The following SRCAP variants were observed in gnomAD, a reference collection of about 807,000 sequenced individuals.
SRCAP encodes Snf2 related CREBBP activator protein, also known as chromatin remodeling protein SRCAP.
Under a neutral mutation model 263.1 loss-of-function variants are expected in SRCAP, and 46 were observed. The observed-to-expected ratio is 0.17, with a 90% CI of 0.14 to 0.22. The LOEUF is 0.22. SRCAP is among the 10% of genes least tolerant of loss of function. The pLI is 1.00. For synonymous variants in SRCAP, 1,813 were observed against 1,662.1 expected, an observed-to-expected ratio of 1.09 and a Z score of -2.21; for missense variants, 3,695 against 4,181.9, an observed-to-expected ratio of 0.88 and a Z score of 3.21.
rs535997158 is a variant in SRCAP at position 30,708,913 on chromosome 16, G to C, written c.634-600G>C. Among the ~76,000 whole-genome samples the C allele has an allele frequency of 7.9e-5, 12 of 152,234 alleles. 1 individual carries two copies. In the South Asian group the frequency reaches 2.5e-3, roughly 32 times the overall value. The stretch of plus-strand genomic sequence containing the variant: ...GGCTTACTGCAACCTCTGCCTCCCA[G>C]GTTCAAGCGATTCTCCTGCCTCTGC... On this transcript the variant is annotated intron_variant, in intron 6 of 33. Transcript: ENST00000262518.
At chr16:30,737,024 C>T in intron 33 of SRCAP, 25 bp from the exon 34 acceptor site, 3 of 1,550,800 alleles carry the variant, frequency 1.9e-6, no homozygotes, top group Non-Finnish European at 2.6e-6. Flanking sequence ...CTCCTCCTGA[C>T]CACTTTTGGA....
chr16:30,739,169 A>T lies in SRCAP; in HGVS notation c.9129A>T (p.Gln3043His), dbSNP rs750723969. ...LESCGLGRRR[Q>H]PQGQGESEGS... Reference sequence around the variant, plus strand: ...GCTGTGGATTGGGGAGGCGACGGCAACCCCAGGGCCAAGGGGAGAGTGAGG... The same window carrying T: ...GCTGTGGATTGGGGAGGCGACGGCATCCCCAGGGCCAAGGGGAGAGTGAGG... The change falls in exon 34 of 34, where the codon CAA becomes CAT. Residue 3043 changes from glutamine to histidine, a missense_variant. By Grantham distance (24) the Gln-to-His change is conservative. Around this residue, in one of 12 missense-constraint regions of SRCAP, gnomAD observed 1,207 missense variants for 1,142.9 expected, o/e 1.06. Coordinates refer to ENST00000262518, the MANE Select transcript of SRCAP (RefSeq NM_006662.3). The T allele has an allele frequency of 4.6e-5, 75 of 1,613,926 alleles. No individual in the cohort carries two copies. Among genetic ancestry groups the T allele is most frequent in the Non-Finnish European group, 6.4e-5 (75 of 1,179,988 alleles).
intron 23 of SRCAP, 35 bp from the exon 24 acceptor site, chr16:30,722,928 T>G (rs1217622833): frequency 6.3e-7 from 1 of 1,579,088 alleles, no homozygotes; most frequent in South Asian, 1.1e-5. Flanking sequence ...TTTGTTTCTT[T>G]TCTACCTTCC....
At chr16:30,707,107 G>T (rs1179681482) in intron 4 of SRCAP, 76 bp from the exon 5 acceptor site, 9 of 1,487,326 alleles carry the variant, frequency 6.1e-6, no homozygotes, top group Non-Finnish European at 8.3e-6. Flanking sequence ...CCCACTTAGT[G>T]CTCAGGAATT....
At position 30,738,854 on chromosome 16, in the gene SRCAP, G is replaced by T; in HGVS notation, c.8814G>T (p.Arg2938Ser). ...NPLLSPVEKR[R>S]RGRPPKARDL... ...TCCTGTCACCTGTGGAGAAAAGAAG[G>T]CGAGGACGACCCCCTAAAGCACGAG... The change falls in exon 34 of 34, where the codon AGG becomes AGT. Residue 2938 changes from arginine (R) to serine (S), a missense_variant. Arg to Ser is a moderately radical substitution (Grantham distance 110, BLOSUM62 -1). Around this residue, in one of 12 missense-constraint regions of SRCAP, gnomAD observed 1,207 missense variants for 1,142.9 expected, o/e 1.06. Coordinates refer to ENST00000262518, the MANE Select transcript of SRCAP (RefSeq NM_006662.3). The T allele has an allele frequency of 6.2e-7, 1 of 1,614,146 alleles. No homozygotes were observed. The highest frequency in any genetic ancestry group is 8.5e-7 in the Non-Finnish European group (1 of 1,180,016).
intron 4 of SRCAP, among the ~76,000 whole-genome samples, chr16:30,704,966 C>G (rs1301856596): frequency 2.0e-5 from 3 of 152,186 alleles, no homozygotes; most frequent in Admixed American, 1.3e-4. Context: ...AGTGTGGTCT[C>G]TGGGCCAGCA....
At position 30,723,324 on chromosome 16, in the gene SRCAP, A is replaced by G. The variant is rs190197581; in HGVS notation, c.4159+95A>G. Reference sequence around the variant, plus strand: ...TCTTAGTTTTAGTACAGGTTTTTTCATATCAGCGTACTGCCTTGATTTGTA... The same window carrying G: ...TCTTAGTTTTAGTACAGGTTTTTTCGTATCAGCGTACTGCCTTGATTTGTA... On this transcript the variant is annotated intron_variant, in intron 24 of 33. Transcript: ENST00000262518. 149 of 1,491,486 alleles carry G rather than the reference A, an allele frequency of 1.0e-4. No homozygotes were observed. The African/African-American group carries it at 1.8e-3, about 18-fold the overall frequency. 92.4% of individuals were successfully genotyped at this position (1,491,486 alleles called of 1,614,324 possible). A position where few individuals can be genotyped will look rare whatever the true frequency, so the allele number is the denominator to read the frequency against.
rs2053018751 is a variant in SRCAP at position 30,722,304 on chromosome 16, C to T, written c.3706+18C>T. ...GCTGCAAAGTAGGTAAAACCCACCCCCTGTCCTGCCTTTTTCCTCCTCTTC... is the reference window on the plus strand; with the variant it reads ...GCTGCAAAGTAGGTAAAACCCACCCTCTGTCCTGCCTTTTTCCTCCTCTTC... On this transcript the variant is annotated intron_variant, in intron 22 of 33. Coordinates refer to ENST00000262518, the MANE Select transcript of SRCAP (RefSeq NM_006662.3). 1.2e-6 allele frequency: 2 copies of T among 1,605,976 alleles called. No homozygotes were observed. The highest frequency in any genetic ancestry group is 1.7e-6 in the Non-Finnish European group (2 of 1,175,656).
intron 31 of SRCAP, 114 bp downstream of exon 31, chr16:30,734,729 A>T: frequency 6.8e-7 from 1 of 1,478,648 alleles, no homozygotes; most frequent in Non-Finnish European, 9.2e-7. Flanking sequence ...TGCTTCCCAG[A>T]TTACAGTCAG....
chr16:30,739,387 A>G lies in SRCAP; in HGVS notation c.9347A>G (p.Lys3116Arg). ...LTPPVVSLTP[K>R]LRSTRLRPGS... is the part of the protein sequence containing the mutation. ...CCACCTGTGGTCTCACTAACCCCAA[A>G]ACTGCGCTCGACCCGGCTGCGTCCA... Residue 3116 changes from lysine to arginine, a missense_variant, in exon 34 of 34, where the codon AAA becomes AGA. Lys to Arg is a conservative substitution (Grantham distance 26, BLOSUM62 2). Coordinates refer to ENST00000262518, the MANE Select transcript of SRCAP (RefSeq NM_006662.3). The G allele has an allele frequency of 6.2e-7, 1 of 1,614,108 alleles. No homozygotes were observed. The highest frequency in any genetic ancestry group is 8.5e-7 in the Non-Finnish European group (1 of 1,179,990).
intron 31 of SRCAP, among the ~76,000 whole-genome samples, chr16:30,735,337 A>G (rs953763303): frequency 1.6e-4 from 24 of 150,578 alleles, no homozygotes; most frequent in African/African-American, 5.1e-4. Context: ...TAGTAGAGAC[A>G]GGGTTTCACC....
intron 6 of SRCAP, among the ~76,000 whole-genome samples, 169 bp downstream of exon 6, chr16:30,707,881 C>G (rs1389547015): frequency 3.3e-5 from 5 of 152,122 alleles, no homozygotes; most frequent in African/African-American, 1.2e-4. Flanking sequence ...TGGGTCCTGC[C>G]TTTGGGGATT....
At chr16:30,728,205 A>ATGTATTGAGATTG (rs2053081152) in intron 25 of SRCAP, among the ~76,000 whole-genome samples, 1 of 152,238 alleles carries the variant, frequency 6.6e-6, no homozygotes, top group Non-Finnish European at 1.5e-5. Flanking sequence ...TTGTTAACAG[A>ATGTATTGAGATTG]TAAATGTATT....
chr16:30,708,095 C>T (rs1297490230), intron 6 of SRCAP, among the ~76,000 whole-genome samples: 2 of 152,236 alleles, frequency 1.3e-5, no homozygotes, highest in Non-Finnish European at 2.9e-5. Context: ...CATGTTCATT[C>T]CTTCTCCCTT....
At chr16:30,736,968 C>G in intron 33 of SRCAP, 81 bp from the exon 34 acceptor site, 1 of 1,467,720 alleles carries the variant, frequency 6.8e-7, no homozygotes, top group Non-Finnish European at 9.1e-7. Flanking sequence ...GCCACCGCGC[C>G]TGACCTGGAA....
intron 3 of SRCAP, among the ~76,000 whole-genome samples, chr16:30,703,059 A>G (rs1224200472): frequency 6.6e-5 from 10 of 152,054 alleles, no homozygotes; most frequent in Non-Finnish European, 1.3e-4. Flanking sequence ...AGTTTGCCAC[A>G]CTTGTTCTGA....
At position 30,709,697 on chromosome 16, in the gene SRCAP, C is replaced by T. The variant is rs1390885713; in HGVS notation, c.818C>T (p.Ser273Phe). ...SPCLGSSSAA[S>F]SPPPPASRLD... is the part of the protein sequence containing the mutation. ...TGCCTCGGCTCTTCCTCAGCTGCCT[C>T]CAGTCCTCCACCCCCTGCTTCTCGC... is the stretch of plus-strand genomic sequence containing the variant. Residue 273 changes from serine (S) to phenylalanine (F), a missense_variant, in exon 7 of 34, where the codon TCC becomes TTC. This residue lies in a region of SRCAP where 44 missense variants were observed against 42.9 expected (regional missense o/e 1.03). Transcript: ENST00000262518. 1.2e-6 allele frequency: 2 copies of T among 1,614,178 alleles called. No homozygotes were observed. The highest frequency in any genetic ancestry group is 1.7e-6 in the Non-Finnish European group (2 of 1,180,050).
intron 31 of SRCAP, among the ~76,000 whole-genome samples, chr16:30,735,079 A>G (rs2053146204): frequency 6.6e-6 from 1 of 151,936 alleles, no homozygotes; most frequent in South Asian, 2.1e-4. Context: ...AACCTTTCCA[A>G]ATGTGATTTT....
chr16:30,725,257 A>C, intron 25 of SRCAP, 175 bp downstream of exon 25: 56 of 1,298,638 alleles, frequency 4.3e-5, no homozygotes, highest in Non-Finnish European at 5.2e-5. Flanking sequence ...CGTGTACCTC[A>C]TGATCCGCCT....
Sources: allele counts gnomAD v4.1 joint callset (sites outside exome capture counted in the v4.1 genomes callset), GRCh38; gene constraint gnomAD v4.1.1; regional missense constraint gnomAD v4.1.1; transcripts MANE v1.5; gene names NCBI Gene and HGNC (gene_info 2026-07-23, HGNC 2026-07-21).